Variants in GALNT13 observed in about 807,000 individuals in gnomAD.
GALNT13 encodes the protein polypeptide N-acetylgalactosaminyltransferase 13.
In GALNT13, 28 loss-of-function variants were observed where a neutral mutation model predicts 64.2. The observed-to-expected ratio is 0.44, with a 90% CI of 0.32 to 0.60. The LOEUF is 0.60. Ranked by LOEUF, GALNT13 falls within the 20% of genes least tolerant of loss-of-function variation. The pLI is 0.05. For synonymous variants in GALNT13, 214 were observed against 224.6 expected, an observed-to-expected ratio of 0.95 and a Z score of 0.42; for missense variants, 577 against 669.8, an observed-to-expected ratio of 0.86 and a Z score of 1.53.
intron 4 of GALNT13, among the ~76,000 whole-genome samples, chr2:154,179,824 TAAA>T (rs56303526): frequency 1.0e-3 from 126 of 126,498 alleles, no homozygotes; most frequent in Middle Eastern, 4.5e-3. Context: ...TCTTCCATGA[TAAA>T]AAAAAAAAAA....
chr2:154,233,603 A>G (rs1689042511), intron 4 of GALNT13, among the ~76,000 whole-genome samples: 2 of 152,208 alleles, frequency 1.3e-5, no homozygotes, highest in Non-Finnish European at 2.9e-5. Context: ...AACAAATGGC[A>G]TGATCCATAT....
intron 4 of GALNT13, among the ~76,000 whole-genome samples, chr2:154,170,517 T>G (rs547656619): frequency 1.3e-5 from 2 of 152,096 alleles, no homozygotes; most frequent in Non-Finnish European, 2.9e-5. Flanking sequence ...ATAACTGCTC[T>G]TTTACTCCCC....
the GALNT13 span, among the ~76,000 whole-genome samples, chr2:153,375,686 A>T: frequency 6.6e-6 from 1 of 152,206 alleles, no homozygotes; most frequent in African/African-American, 2.4e-5. Flanking sequence ...AGCCTCTGAT[A>T]ACAGAACATA....
intron 2 of GALNT13, among the ~76,000 whole-genome samples, chr2:153,936,404 A>G (rs1054811931): frequency 6.6e-6 from 1 of 152,170 alleles, no homozygotes; most frequent in Non-Finnish European, 1.5e-5. Context: ...GGCCTTTGCA[A>G]CAAATGGCAC....
chr2:154,390,838 CTT>C (rs1339516375), intron 9 of GALNT13, among the ~76,000 whole-genome samples: 1 of 152,126 alleles, frequency 6.6e-6, no homozygotes, highest in African/African-American at 2.4e-5. Context: ...GCCTTAAAAA[CTT>C]ATAAATTTTT....
intron 3 of GALNT13, among the ~76,000 whole-genome samples, chr2:154,074,933 C>T (rs755904021): frequency 5.3e-5 from 8 of 152,034 alleles, no homozygotes; most frequent in East Asian, 3.9e-4. Context: ...GACAAATCCA[C>T]GGCCAACATC....
At chr2:153,222,332 T>TGGGGGGGGGGGGGGGGGGGGGG in the GALNT13 span, among the ~76,000 whole-genome samples, 10 of 103,788 alleles carry the variant, frequency 9.6e-5, no homozygotes, top group Non-Finnish European at 1.4e-4. Flanking sequence ...GGGGGTGGGG[T>TGGGGGGGGGGGGGGGGGGGGGG]GGGGGGGGGG....
At chr2:153,150,605 G>A in the GALNT13 span, among the ~76,000 whole-genome samples, 421 of 152,182 alleles carry the variant, frequency 2.8e-3, 7 homozygotes, top group African/African-American at 9.9e-3. Flanking sequence ...TATGGTTTTA[G>A]GTCTAATGTT....
the GALNT13 span, among the ~76,000 whole-genome samples, chr2:153,107,769 G>A: frequency 6.6e-4 from 101 of 152,224 alleles, no homozygotes; most frequent in African/African-American, 2.3e-3. Context: ...TTGAGAATGC[G>A]TGTGGGTGGA....
At chr2:153,599,533 C>T in the GALNT13 span, among the ~76,000 whole-genome samples, 1 of 151,910 alleles carries the variant, frequency 6.6e-6, no homozygotes, top group Admixed American at 6.6e-5. Context: ...CTGCTTGGCC[C>T]AAGAGGGTAT....
At chr2:154,280,320 T>C (rs1275221288) in intron 8 of GALNT13, among the ~76,000 whole-genome samples, 1 of 152,190 alleles carries the variant, frequency 6.6e-6, no homozygotes, top group East Asian at 1.9e-4. Context: ...ATTATTATTA[T>C]TCTTTTTCTA....
chr2:153,729,818 T>C, the GALNT13 span, among the ~76,000 whole-genome samples: 2 of 151,986 alleles, frequency 1.3e-5, no homozygotes, highest in African/African-American at 4.8e-5. Flanking sequence ...TCAGTAGCAA[T>C]TGTATACACC....
chr2:153,851,609 G>T, the GALNT13 span, among the ~76,000 whole-genome samples: 1 of 152,078 alleles, frequency 6.6e-6, no homozygotes, highest in East Asian at 1.9e-4. Context: ...GGAGGCTGAG[G>T]CAGGAGGATT....
chr2:153,410,739 G>A, the GALNT13 span, among the ~76,000 whole-genome samples: 3 of 152,108 alleles, frequency 2.0e-5, no homozygotes, highest in African/African-American at 7.2e-5. Flanking sequence ...AATAAAAAGA[G>A]TGGAGCAGGG....
chr2:154,254,555 A>G (rs758284052), intron 7 of GALNT13, among the ~76,000 whole-genome samples: 1 of 152,196 alleles, frequency 6.6e-6, no homozygotes, highest in Non-Finnish European at 1.5e-5. Context: ...TATCACTATG[A>G]TAACAGAGAT....
chr2:154,237,027 A>G (rs1689229284), intron 4 of GALNT13, among the ~76,000 whole-genome samples: 1 of 152,014 alleles, frequency 6.6e-6, no homozygotes, highest in South Asian at 2.1e-4. Flanking sequence ...ATATAGCATT[A>G]TAAAAGAATC....
chr2:153,971,586 A>G (rs576250437), intron 3 of GALNT13, among the ~76,000 whole-genome samples: 1 of 152,298 alleles, frequency 6.6e-6, no homozygotes, highest in African/African-American at 2.4e-5. Context: ...GAATTTAACT[A>G]GAAATCTATA....
At chr2:153,216,466 C>T in the GALNT13 span, among the ~76,000 whole-genome samples, 1 of 151,992 alleles carries the variant, frequency 6.6e-6, no homozygotes, top group African/African-American at 2.4e-5. Context: ...TCCTCATCAG[C>T]ATGTGGTGGT....
intron 4 of GALNT13, among the ~76,000 whole-genome samples, chr2:154,170,167 C>T (rs778924839): frequency 6.6e-6 from 1 of 152,088 alleles, no homozygotes; most frequent in Non-Finnish European, 1.5e-5. Flanking sequence ...AGATTATTTG[C>T]CTTTTTCCTG....
Sources: allele counts gnomAD v4.1 joint callset (sites outside exome capture counted in the v4.1 genomes callset), GRCh38; gene constraint gnomAD v4.1.1; transcripts MANE v1.5; gene names NCBI Gene and HGNC (gene_info 2026-07-23, HGNC 2026-07-21).